Variants in DMXL2 observed in about 807,000 individuals in gnomAD.
DMXL2 encodes Dmx like 2, also known as dmX-like protein 2.
A neutral mutation model predicts 331.1 loss-of-function variants in DMXL2; 103 were observed. The ratio of observed to expected loss-of-function variants is 0.31; its 90% confidence interval spans 0.27 to 0.37. The LOEUF (loss-of-function observed/expected upper bound fraction) is 0.37. DMXL2 is among the 10% of genes least tolerant of loss of function. The pLI is 1.00. For missense variants in DMXL2, 3,171 were observed against 3,642.9 expected, an observed-to-expected ratio of 0.87 and a Z score of 3.33; for synonymous variants, 1,281 against 1,252.1, an observed-to-expected ratio of 1.02 and a Z score of -0.49.
At chr15:51,595,593 A>G (rs1306372344) in intron 1 of DMXL2, among the ~76,000 whole-genome samples, 7 of 152,250 alleles carry the variant, frequency 4.6e-5, no homozygotes, top group Admixed American at 1.3e-4. Flanking sequence ...TGGAACCAAA[A>G]CAGAGCCTGC....
intron 39 of DMXL2, among the ~76,000 whole-genome samples, chr15:51,455,489 C>T (rs753187442): frequency 2.2e-4 from 33 of 152,086 alleles, no homozygotes; most frequent in Non-Finnish European, 4.1e-4. Context: ...ACCTCAAACT[C>T]CTGGGTTCAA....
intron 29 of DMXL2, among the ~76,000 whole-genome samples, chr15:51,468,303 A>G (rs2040782847): frequency 6.6e-6 from 1 of 152,232 alleles, no homozygotes; most frequent in East Asian, 1.9e-4. Flanking sequence ...TGATTAGCCT[A>G]GAATAAAACT....
intron 29 of DMXL2, among the ~76,000 whole-genome samples, chr15:51,469,988 T>C (rs1245746549): frequency 6.6e-6 from 1 of 152,172 alleles, no homozygotes; most frequent in African/African-American, 2.4e-5. Context: ...TCTGGAGAGC[T>C]TGTTAAGACA....
At chr15:51,563,072 G>A (rs2050067925) in intron 6 of DMXL2, among the ~76,000 whole-genome samples, 1 of 151,842 alleles carries the variant, frequency 6.6e-6, no homozygotes, top group Non-Finnish European at 1.5e-5. Context: ...TTTTCATTGT[G>A]AATCCAGTAT....
intron 13 of DMXL2, among the ~76,000 whole-genome samples, chr15:51,529,648 A>G (rs4774593): frequency 0.44 from 67,404 of 151,990 alleles, 15,520 homozygotes; most frequent in Non-Finnish European, 0.5. Flanking sequence ...CCAGGACCCA[A>G]TGGTTTTGCT....
intron 1 of DMXL2, among the ~76,000 whole-genome samples, chr15:51,598,320 T>C (rs2052976784): frequency 6.6e-6 from 1 of 152,216 alleles, no homozygotes; most frequent in Non-Finnish European, 1.5e-5. Flanking sequence ...TACATATATT[T>C]TTTTCTGGAC....
Position 51,514,567 on chromosome 15 carries a change from T to C in DMXL2, c.2527-8A>G. On this transcript the variant is annotated splice_region_variant and splice_polypyrimidine_tract_variant and intron_variant, in intron 14 of 43. Transcript: ENST00000560891. ...CTGTGTATTTGAGCCACACTACAAA[T>C]ACAAAAAAAAATGAAGAGGTTTTAT... is the stretch of plus-strand genomic sequence containing the variant. The C allele has an allele frequency of 1.3e-6, 2 of 1,531,082 alleles. No homozygotes were observed. The highest frequency in any genetic ancestry group is 2.4e-5 in the South Asian group (2 of 83,968). The allele number at this position is 1,531,082 out of a possible 1,614,324, so 94.8% of individuals were successfully genotyped here.
At chr15:51,524,429 T>C (rs2047553584) in intron 13 of DMXL2, among the ~76,000 whole-genome samples, 1 of 152,120 alleles carries the variant, frequency 6.6e-6, no homozygotes, top group Non-Finnish European at 1.5e-5. Flanking sequence ...AAAAGCACCT[T>C]CATAAGAACC....
chr15:51,606,654 C>T (rs1305044761), intron 1 of DMXL2, among the ~76,000 whole-genome samples: 2 of 152,176 alleles, frequency 1.3e-5, no homozygotes, highest in African/African-American at 2.4e-5. Flanking sequence ...CCATCTTGGG[C>T]CTTAGGTTAT....
At chr15:51,608,184 C>A (rs1418908945) in intron 1 of DMXL2, among the ~76,000 whole-genome samples, 1 of 148,432 alleles carries the variant, frequency 6.7e-6, no homozygotes, top group Non-Finnish European at 1.5e-5. Flanking sequence ...GACTCAGTCT[C>A]AAAAAAAAAA....
At chr15:51,610,130 A>C (rs2053861291) in intron 1 of DMXL2, among the ~76,000 whole-genome samples, 1 of 152,188 alleles carries the variant, frequency 6.6e-6, no homozygotes, top group South Asian at 2.1e-4. Context: ...CAACCAAAGA[A>C]AGCTAATAAA....
intron 1 of DMXL2, among the ~76,000 whole-genome samples, chr15:51,587,796 G>A (rs922602414): frequency 1.8e-4 from 28 of 152,312 alleles, no homozygotes; most frequent in African/African-American, 6.5e-4. Context: ...CAGTGTAAAA[G>A]TGTTCCTATT....
intron 23 of DMXL2, among the ~76,000 whole-genome samples, chr15:51,485,174 G>C (rs981506949): frequency 2.0e-5 from 3 of 151,984 alleles, no homozygotes; most frequent in African/African-American, 7.2e-5. Flanking sequence ...AAAAGGTGAG[G>C]AAAACACATT....
intron 23 of DMXL2, 61 bp from the exon 24 acceptor site, chr15:51,481,684 A>G: frequency 7.0e-7 from 1 of 1,429,926 alleles, no homozygotes; most frequent in Non-Finnish European, 9.4e-7. Flanking sequence ...TACATTACAA[A>G]ACAATAAAAT....
chr15:51,488,574 C>T lies in DMXL2; in HGVS notation c.5025G>A (p.Lys1675=). ...DAALFYLSMK[K]KAVVWGLFRS... The stretch of plus-strand genomic sequence containing the variant: ...TAAACAGACCCCACACTACTGCTTT[C>T]TTCTTCATTGAAAGGTAGAATAGTG... Residue 1675 remains lysine (K), a synonymous_variant, in exon 21 of 44, where the codon AAG becomes AAA. Transcript: ENST00000560891. 6.2e-7 allele frequency: 1 copy of T among 1,613,538 alleles called. No individual in the cohort carries two copies. Among genetic ancestry groups the T allele is most frequent in the African/African-American group, 1.3e-5 (1 of 75,030 alleles).
rs6493514 is a variant in DMXL2 at position 51,622,581 on chromosome 15, T to G, written c.-36A>C. The G allele has an allele frequency of 0.78, 1,197,343 of 1,533,402 alleles. 469,701 individuals carry two copies. Among genetic ancestry groups the G allele is most frequent in the East Asian group, 0.99 (39,075 of 39,394 alleles). 95.0% of individuals were successfully genotyped at this position (1,533,402 alleles called of 1,614,324 possible). The stretch of plus-strand genomic sequence containing the variant: ...CGGGCTGGACAGAATGCGCGGGAGG[T>G]GCGACAAGCTCCGCGCCTGACCCTC... On this transcript the variant is annotated 5_prime_UTR_variant, in exon 1 of 44. Coordinates refer to ENST00000560891, the MANE Select transcript of DMXL2 (RefSeq NM_001378457.1).
chr15:51,523,476 T>C (rs2047491821), intron 13 of DMXL2, among the ~76,000 whole-genome samples: 1 of 152,224 alleles, frequency 6.6e-6, no homozygotes, highest in Non-Finnish European at 1.5e-5. Flanking sequence ...GGTTAAATAG[T>C]GTCCTCCCAA....
intron 3 of DMXL2, among the ~76,000 whole-genome samples, chr15:51,565,931 C>A (rs2050239386): frequency 6.6e-6 from 1 of 152,072 alleles, no homozygotes; most frequent in Admixed American, 6.5e-5. Context: ...TACCTCAAGG[C>A]AGAATTTTAA....
In DMXL2 at chr15:51,458,603, C is replaced by T; in HGVS notation, c.8101G>A (p.Ala2701Thr). 6.2e-7 allele frequency: 1 copy of T among 1,613,782 alleles called. No individual in the cohort carries two copies. The highest frequency in any genetic ancestry group is 8.5e-7 in the Non-Finnish European group (1 of 1,179,816). Reference sequence around the variant, plus strand: ...AGTTCTTGAACATCATGTGTTGAAGCCAAAACAATTTCATTACAATTTGCC... The same window carrying T: ...AGTTCTTGAACATCATGTGTTGAAGTCAAAACAATTTCATTACAATTTGCC... ...NKANCNEIVL[A>T]STHDVQELDV... The change falls in exon 36 of 44, where the codon GCT (alanine) becomes ACT (threonine). Residue 2701 changes from alanine to threonine, a missense_variant. By Grantham distance (58) the Ala-to-Thr change is moderately conservative (BLOSUM62 0). Coordinates refer to ENST00000560891, the MANE Select transcript of DMXL2 (RefSeq NM_001378457.1).
Sources: gnomAD v4.1 joint callset for allele counts (sites outside exome capture counted in the v4.1 genomes callset) on GRCh38, gnomAD v4.1.1 for gene constraint, MANE v1.5 for transcripts, NCBI Gene and HGNC (gene_info 2026-07-23, HGNC 2026-07-21) for gene names.